OPHN1: variants seen among roughly 807,000 people sequenced by gnomAD.
The protein encoded by OPHN1 is oligophrenin 1.
In OPHN1, 11 loss-of-function variants were observed where a neutral mutation model predicts 60.7. The observed-to-expected ratio is 0.18, with a 90% CI of 0.11 to 0.30. The LOEUF (loss-of-function observed/expected upper bound fraction) is 0.30. OPHN1 is among the 10% of genes least tolerant of loss of function. The pLI, the probability that OPHN1 is intolerant of heterozygous loss-of-function variation, is 1.00. For synonymous variants in OPHN1, 226 were observed against 222.6 expected (o/e 1.02, Z -0.14); for missense variants, 449 against 611.0 (o/e 0.73, Z 2.80).
At chrX:68,197,145 G>T in intron 12 of OPHN1, 41 bp downstream of exon 12, 1 of 1,005,760 alleles carries the variant, frequency 9.9e-7, no homozygotes, top group Non-Finnish European at 1.4e-6. Flanking sequence ...CTCATACACT[G>T]GCATATGCTG....
chrX:68,373,497 C>T (rs2078540027), intron 2 of OPHN1, among the ~76,000 whole-genome samples: 1 of 111,048 alleles, frequency 9.0e-6, no homozygotes, highest in South Asian at 3.8e-4. Context: ...CCTCAGTTCC[C>T]CTCCCAGCTG....
chrX:68,214,847 AC>A (rs1477112592), intron 6 of OPHN1, among the ~76,000 whole-genome samples: 2 of 110,042 alleles, frequency 1.8e-5, no homozygotes, highest in Non-Finnish European at 3.8e-5. Flanking sequence ...AAATACAAAA[AC>A]TAGCCAAGTG....
At chrX:68,168,877 T>C (rs905433323) in intron 15 of OPHN1, among the ~76,000 whole-genome samples, 2 of 111,024 alleles carry the variant, frequency 1.8e-5, no homozygotes, top group African/African-American at 6.6e-5. Context: ...TACAAACACC[T>C]CTACGCAAAT....
At chrX:68,133,569 A>G (rs2077206990) in intron 15 of OPHN1, 4 of 396,189 alleles carry the variant, frequency 1.0e-5, no homozygotes, top group Non-Finnish European at 1.4e-5. Flanking sequence ...ACGTTTCTGT[A>G]GGTCCATTTT....
intron 3 of OPHN1, 84 bp downstream of exon 3, chrX:68,298,917 T>G (rs1484423585): frequency 1.8e-6 from 1 of 570,421 alleles, no homozygotes; most frequent in Non-Finnish European, 3.0e-6. Context: ...GATGTCCAAG[T>G]GCTCTGTATC....
intron 15 of OPHN1, among the ~76,000 whole-genome samples, chrX:68,148,315 T>A (rs1033530177): frequency 9.0e-6 from 1 of 111,565 alleles, no homozygotes; most frequent in East Asian, 2.8e-4. Flanking sequence ...CTTGCTAGTA[T>A]CAGGGTTGTT....
chrX:68,202,017 A>G (rs1049194738), intron 10 of OPHN1, among the ~76,000 whole-genome samples: 1 of 111,750 alleles, frequency 8.9e-6, no homozygotes, highest in Non-Finnish European at 1.9e-5. Context: ...GTGTAGGAGA[A>G]ATGGGCTGAC....
chrX:68,193,136 T>C lies in OPHN1; in HGVS notation c.1202-143A>G. On this transcript the variant is annotated intron_variant, in intron 14 of 24. Transcript: ENST00000355520. ...AGCCTTCCCTGTAACAGGGGAATAG[T>C]CCTACAGCATCTCTCCAAATTATCC... 7 of 508,988 alleles carry C rather than the reference T, an allele frequency of 1.4e-5. No individual in the cohort carries two copies. In the South Asian group the frequency reaches 1.9e-4, roughly 14 times the overall value. 41.9% of individuals were successfully genotyped at this position (508,988 alleles called of 1,213,427 possible).
chrX:68,073,939 T>C (rs189938200), intron 19 of OPHN1, among the ~76,000 whole-genome samples: 1 of 112,429 alleles, frequency 8.9e-6, no homozygotes, highest in East Asian at 2.8e-4. Context: ...TAAAATAAAA[T>C]TAAAAAGCAA....
chrX:68,150,524 C>T (rs769827251), intron 15 of OPHN1, among the ~76,000 whole-genome samples: 1 of 111,604 alleles, frequency 9.0e-6, no homozygotes, highest in East Asian at 2.8e-4. Flanking sequence ...AACAATTAAA[C>T]CTACATCTGA....
chrX:68,112,238 A>G, intron 17 of OPHN1: 1 of 241,300 alleles, frequency 4.1e-6, no homozygotes, highest in East Asian at 7.5e-5. Flanking sequence ...GAAAGAAAAA[A>G]GGCAGAAAAA....
At chrX:68,358,039 C>T (rs1041708219) in intron 2 of OPHN1, among the ~76,000 whole-genome samples, 55 of 108,409 alleles carry the variant, frequency 5.1e-4, no homozygotes, top group African/African-American at 1.7e-3. Context: ...GCGTATAATC[C>T]CAGCATTTTA....
At chrX:68,363,190 T>C (rs1413242840) in intron 2 of OPHN1, among the ~76,000 whole-genome samples, 2 of 110,319 alleles carry the variant, frequency 1.8e-5, no homozygotes, top group Non-Finnish European at 1.9e-5. Flanking sequence ...GAGGTTACAG[T>C]GAGCTGAGAT....
At chrX:68,230,588 A>G (rs2077723250) in intron 6 of OPHN1, among the ~76,000 whole-genome samples, 1 of 110,340 alleles carries the variant, frequency 9.1e-6, no homozygotes, top group Non-Finnish European at 1.9e-5. Flanking sequence ...GCAGCTATAA[A>G]AAATGATGAG....
chrX:68,154,861 CCACACA>C lies in OPHN1; in HGVS notation c.1277-35535_1277-35530del, dbSNP rs60627495. On this transcript the variant is annotated intron_variant, in intron 15 of 24. Coordinates refer to ENST00000355520, the MANE Select transcript of OPHN1 (RefSeq NM_002547.3). Reference sequence around the variant, plus strand: ...AACATTAGCAGAACAATAGTACACACCACACACACACACACACACACACACACACAC... The same window carrying C: ...AACATTAGCAGAACAATAGTACACACCACACACACACACACACACACACAC... Among the ~76,000 whole-genome samples, 271 of 94,325 alleles carry C rather than the reference CCACACA, an allele frequency of 2.9e-3. 1 individual carries two copies. Among genetic ancestry groups the C allele is most frequent in the African/African-American group, 9.6e-3 (252 of 26,382 alleles). The allele number at this position is 94,325 out of a possible 115,157, so 81.9% of individuals were successfully genotyped here. A position where few individuals can be genotyped will look rare whatever the true frequency, so the allele number is the denominator to read the frequency against.
chrX:68,174,808 G>T (rs1439498638), intron 15 of OPHN1, among the ~76,000 whole-genome samples: 1 of 110,564 alleles, frequency 9.0e-6, no homozygotes, highest in African/African-American at 3.3e-5. Context: ...AAATGGCCGG[G>T]CACAGTGGCT....
chrX:68,285,036 A>G (rs1337757846), intron 3 of OPHN1, among the ~76,000 whole-genome samples: 1 of 111,975 alleles, frequency 8.9e-6, no homozygotes, highest in African/African-American at 3.2e-5. Context: ...TTATTTCTCT[A>G]GGATTAGTAG....
chrX:68,043,555 C>A lies in OPHN1; in HGVS notation c.*3617G>T, dbSNP rs777336357. On this transcript the variant is annotated 3_prime_UTR_variant, in exon 25 of 25. Transcript: ENST00000355520. Reference sequence around the variant, plus strand: ...TTTTTTCCTAGTCACAGAACTATTTCTTCTTTTACTACTTTATTTGTTCTA... The same window carrying A: ...TTTTTTCCTAGTCACAGAACTATTTATTCTTTTACTACTTTATTTGTTCTA... 11 of 110,723 alleles carry A rather than the reference C, an allele frequency of 9.9e-5. No individual in the cohort carries two copies. The South Asian group carries it at 3.1e-3, about 31-fold the overall frequency. The allele number at this position is 110,723 out of a possible 1,213,427, so 9.1% of individuals were successfully genotyped here.
At chrX:68,266,368 A>C (rs1010973511) in intron 5 of OPHN1, among the ~76,000 whole-genome samples, 1 of 111,792 alleles carries the variant, frequency 8.9e-6, no homozygotes, top group Non-Finnish European at 1.9e-5. Context: ...AGTGGGGGCC[A>C]ATATTCAACA....
Sources: gnomAD v4.1 joint callset for allele counts (sites outside exome capture counted in the v4.1 genomes callset) on GRCh38, gnomAD v4.1.1 for gene constraint, MANE v1.5 for transcripts, NCBI Gene and HGNC (gene_info 2026-07-23, HGNC 2026-07-21) for gene names.